IL1RAPL1: variants seen among roughly 807,000 people sequenced by gnomAD.
IL1RAPL1 encodes the protein interleukin-1 receptor accessory protein-like 1.
IL1RAPL1 carries 3 observed loss-of-function variants against 48.4 expected under a neutral mutation model. The ratio of observed to expected loss-of-function variants is 0.06; its 90% CI spans 0.03 to 0.16. The LOEUF is 0.16. Among genes scored for constraint, IL1RAPL1 ranks in the 10% least tolerant of loss-of-function variants. The pLI is 1.00. For synonymous variants in IL1RAPL1, 185 were observed against 187.7 expected (o/e 0.99, Z 0.12); for missense variants, 349 against 530.6 (o/e 0.66, Z 3.36).
intron 5 of IL1RAPL1, among the ~76,000 whole-genome samples, chrX:29,645,283 C>T (rs1486089422): frequency 9.0e-6 from 1 of 111,664 alleles, no homozygotes; most frequent in Non-Finnish European, 1.9e-5. Context: ...TGCATGAAAA[C>T]ATCTTCACCA....
intron 2 of IL1RAPL1, among the ~76,000 whole-genome samples, chrX:29,175,321 T>C (rs1214693523): frequency 8.9e-6 from 1 of 111,854 alleles, no homozygotes; most frequent in Non-Finnish European, 1.9e-5. Context: ...TGCAAAGCAC[T>C]TGTCACATAA....
intron 2 of IL1RAPL1, among the ~76,000 whole-genome samples, chrX:28,847,068 G>A (rs2147294864): frequency 9.0e-6 from 1 of 111,297 alleles, no homozygotes; most frequent in South Asian, 3.8e-4. Context: ...CACACTTAGC[G>A]ACCCCAAACA....
chrX:29,034,198 ATATT>A (rs1463911769), intron 2 of IL1RAPL1, among the ~76,000 whole-genome samples: 1 of 111,780 alleles, frequency 8.9e-6, no homozygotes, highest in African/African-American at 3.2e-5. Context: ...AGATTTTTAG[ATATT>A]TATGATTATT....
chrX:28,657,980 A>T (rs1312534552), intron 1 of IL1RAPL1, among the ~76,000 whole-genome samples: 1 of 112,057 alleles, frequency 8.9e-6, no homozygotes, highest in Non-Finnish European at 1.9e-5. Flanking sequence ...ATTAGGCGGT[A>T]GTGTATTTTG....
In IL1RAPL1 at chrX:29,691,292, A is replaced by G. The variant is rs1451337858; in HGVS notation, c.778+22788A>G. Among the ~76,000 whole-genome samples the G allele has an allele frequency of 4.5e-5, 5 of 111,821 alleles. No individual in the cohort carries two copies. The East Asian group carries it at 1.4e-3, about 31-fold the overall frequency. ...GAAAATGGTACTGAAATGGCCACAT[A>G]ATGCAATGTGATTTGAAACGAAGGG... On this transcript the variant is annotated intron_variant, in intron 6 of 10. Coordinates refer to ENST00000378993, the MANE Select transcript of IL1RAPL1 (RefSeq NM_014271.4).
At chrX:28,936,571 G>GTA (rs990579659) in intron 2 of IL1RAPL1, among the ~76,000 whole-genome samples, 33 of 109,842 alleles carry the variant, frequency 3.0e-4, no homozygotes, top group African/African-American at 9.6e-4. Flanking sequence ...ACTTATGTGT[G>GTA]TATATATATA....
chrX:29,106,231 G>A lies in IL1RAPL1; in HGVS notation c.83-176707G>A, dbSNP rs375470101. On this transcript the variant is annotated intron_variant, in intron 2 of 10. Transcript: ENST00000378993. ...CAAGGGGGTCACAAGCTTTTGAGGA[G>A]GAATGATTCTACGTTTATATTGGGA... is the stretch of plus-strand genomic sequence containing the variant. Among the ~76,000 whole-genome samples the A allele has an allele frequency of 6.5e-4, 72 of 111,333 alleles. No individual in the cohort carries two copies. The South Asian group carries it at 0.025, about 39-fold the overall frequency.
chrX:29,788,480 G>A (rs1358024585), intron 6 of IL1RAPL1, among the ~76,000 whole-genome samples: 1 of 111,562 alleles, frequency 9.0e-6, no homozygotes, highest in African/African-American at 3.3e-5. Flanking sequence ...AATTCATAAT[G>A]GAAGCTGTTG....
chrX:29,472,595 CACA>C (rs1212880037), intron 5 of IL1RAPL1, among the ~76,000 whole-genome samples: 1 of 111,628 alleles, frequency 9.0e-6, no homozygotes, highest in Non-Finnish European at 1.9e-5. Flanking sequence ...CTTGACAAGG[CACA>C]ACATTTTTAA....
chrX:29,573,041 C>T (rs1173837719), intron 5 of IL1RAPL1, among the ~76,000 whole-genome samples: 1 of 112,259 alleles, frequency 8.9e-6, no homozygotes, highest in Non-Finnish European at 1.9e-5. Context: ...AGTCCAAGAT[C>T]AAGGCACCAG....
At chrX:29,871,806 C>T (rs1931803645) in intron 6 of IL1RAPL1, among the ~76,000 whole-genome samples, 1 of 111,106 alleles carries the variant, frequency 9.0e-6, no homozygotes, top group Non-Finnish European at 1.9e-5. Flanking sequence ...TCACTGCAAC[C>T]TCCGCCTCCC....
chrX:29,863,365 T>C (rs1931629737), intron 6 of IL1RAPL1, among the ~76,000 whole-genome samples: 1 of 112,047 alleles, frequency 8.9e-6, no homozygotes, highest in South Asian at 3.7e-4. Context: ...GTTCCTTTAA[T>C]TAGAAAGTTA....
intron 6 of IL1RAPL1, among the ~76,000 whole-genome samples, chrX:29,794,318 A>G (rs907657663): frequency 3.6e-5 from 4 of 112,025 alleles, no homozygotes; most frequent in African/African-American, 1.3e-4. Context: ...TTAGTCTATT[A>G]CTTCTCCAAA....
In IL1RAPL1 at chrX:29,822,222, C is replaced by T. The variant is rs181950715; in HGVS notation, c.779-95242C>T. Among the ~76,000 whole-genome samples the T allele has an allele frequency of 9.1e-3, 1,004 of 110,584 alleles. 9 individuals are homozygous for T. Among genetic ancestry groups the T allele is most frequent in the African/African-American group, 0.031 (954 of 30,432 alleles). On this transcript the variant is annotated intron_variant, in intron 6 of 10. Transcript: ENST00000378993. ...TGAAGAAAATACATTTAATTATTAC[C>T]GCCTCTAAATAAATCTAGTTTAAAA...
In IL1RAPL1 at chrX:29,463,207, A is replaced by AC. The variant is rs1218663932; in HGVS notation, c.703+63902dup. 5.9e-3 allele frequency among the ~76,000 whole-genome samples: 618 copies of AC among 104,003 alleles called. 4 individuals carry two copies. Among genetic ancestry groups the AC allele is most frequent in the Non-Finnish European group, 0.01 (505 of 50,333 alleles). The allele number at this position is 104,003 out of a possible 115,157, so 90.3% of individuals were successfully genotyped here. A position where few individuals can be genotyped will look rare whatever the true frequency, so the allele number is the denominator to read the frequency against. On this transcript the variant is annotated intron_variant, in intron 5 of 10. Transcript: ENST00000378993. ...CAGATGCTTTATCAAAAAAAAAAAA[A>AC]CCCACATTATGAATCCAAAGAAAGA...
chrX:29,877,127 A>G (rs1166922503), intron 6 of IL1RAPL1, among the ~76,000 whole-genome samples: 1 of 111,997 alleles, frequency 8.9e-6, no homozygotes, highest in East Asian at 2.8e-4. Context: ...GAAACGAAAC[A>G]GGCCTGCAAA....
chrX:29,064,558 G>GTT (rs747397779), intron 2 of IL1RAPL1, among the ~76,000 whole-genome samples: 53 of 108,748 alleles, frequency 4.9e-4, no homozygotes, highest in Non-Finnish European at 8.4e-4. Flanking sequence ...GTTGTTTTTT[G>GTT]TTTTTGTTTT....
intron 2 of IL1RAPL1, among the ~76,000 whole-genome samples, chrX:29,268,832 G>A (rs746822062): frequency 3.6e-4 from 40 of 111,922 alleles, no homozygotes; most frequent in African/African-American, 1.3e-3. Context: ...ATCAGTGAAC[G>A]AATCAATGAA....
chrX:29,246,251 A>C (rs1001276064), intron 2 of IL1RAPL1, among the ~76,000 whole-genome samples: 1 of 105,370 alleles, frequency 9.5e-6, no homozygotes, highest in African/African-American at 3.5e-5. Flanking sequence ...CAAGTGGTTA[A>C]TTAGCCTTCT....
Sources: gnomAD v4.1 joint callset for allele counts (sites outside exome capture counted in the v4.1 genomes callset) on GRCh38, gnomAD v4.1.1 for gene constraint, MANE v1.5 for transcripts, NCBI Gene and HGNC (gene_info 2026-07-23, HGNC 2026-07-21) for gene names.